GRIK4: variants seen among roughly 807,000 people sequenced by gnomAD.
The protein encoded by GRIK4 is glutamate receptor ionotropic, kainate 4.
GRIK4 carries 40 observed loss-of-function variants against 104.9 expected under a neutral mutation model. The ratio of observed to expected loss-of-function variants is 0.38; its 90% confidence interval spans 0.30 to 0.50. GRIK4 has a LOEUF of 0.50. GRIK4 is among the 20% of genes least tolerant of loss of function. The pLI, the probability that GRIK4 is intolerant of heterozygous loss-of-function variation, is 0.93. For synonymous variants in GRIK4, 485 were observed against 524.9 expected (o/e 0.92, Z 1.04); for missense variants, 1,047 against 1,308.1 (o/e 0.80, Z 3.08).
At chr11:120,566,968 ATTTTTTTTT>A (rs572433053) in intron 1 of GRIK4, among the ~76,000 whole-genome samples, 69 of 99,714 alleles carry the variant, frequency 6.9e-4, no homozygotes, top group African/African-American at 3.0e-3. Flanking sequence ...CGGCCTCCTA[ATTTTTTTTT>A]TTTTTTTTTT....
At chr11:120,985,278 A>G (rs994309489) in intron 20 of GRIK4, among the ~76,000 whole-genome samples, 5 of 152,198 alleles carry the variant, frequency 3.3e-5, no homozygotes, top group Non-Finnish European at 7.3e-5. Context: ...ATGTTGCTAC[A>G]GAAATATGAG....
At chr11:120,900,164 CAG>C (rs1263710688) in intron 12 of GRIK4, among the ~76,000 whole-genome samples, 17 of 152,260 alleles carry the variant, frequency 1.1e-4, no homozygotes, top group South Asian at 6.2e-4. Flanking sequence ...CTCTGAAAGA[CAG>C]GGAATGAGTG....
intron 13 of GRIK4, among the ~76,000 whole-genome samples, chr11:120,928,965 GT>G (rs1183386396): frequency 3.0e-4 from 3 of 10,124 alleles, no homozygotes; most frequent in African/African-American, 3.4e-4. Context: ...AAAGACGTGT[GT>G]GTGTGTGTGT....
At position 120,832,917 on chromosome 11, in the gene GRIK4, T is replaced by G. The variant is rs551756327; in HGVS notation, c.690+887T>G. On this transcript the variant is annotated intron_variant, in intron 7 of 20. Transcript: ENST00000527524. ...GAACGGGCCCCGTTTCCAGGCTCCT[T>G]GGCGGCTCCCCCAACCTCTCCAGGC... 1.5e-3 allele frequency among the ~76,000 whole-genome samples: 236 copies of G among 152,284 alleles called. 1 individual carries two copies. Among genetic ancestry groups the G allele is most frequent in the African/African-American group, 5.6e-3 (232 of 41,560 alleles).
intron 1 of GRIK4, among the ~76,000 whole-genome samples, chr11:120,553,880 G>C (rs1948163136): frequency 6.6e-6 from 1 of 152,222 alleles, no homozygotes; most frequent in Non-Finnish European, 1.5e-5. Flanking sequence ...GAGGGGGACA[G>C]AGGAGGACTG....
chr11:120,579,733 G>A (rs1431465609), intron 1 of GRIK4, among the ~76,000 whole-genome samples: 1 of 152,114 alleles, frequency 6.6e-6, no homozygotes, highest in Non-Finnish European at 1.5e-5. Flanking sequence ...GTCCCGATCT[G>A]TACAGTTTCA....
intron 9 of GRIK4, 86 bp from the exon 10 acceptor site, chr11:120,873,980 C>T: frequency 1.7e-6 from 2 of 1,210,432 alleles, no homozygotes; most frequent in Non-Finnish European, 2.3e-6. Context: ...TTTTCTTCCT[C>T]CATTCCTCTT....
intron 11 of GRIK4, among the ~76,000 whole-genome samples, chr11:120,883,917 T>C (rs531959758): frequency 6.6e-6 from 1 of 152,316 alleles, no homozygotes; most frequent in African/African-American, 2.4e-5. Flanking sequence ...GACCTGCTAA[T>C]TCGGTCTCAG....
intron 3 of GRIK4, among the ~76,000 whole-genome samples, chr11:120,663,681 G>A (rs1163515796): frequency 1.3e-5 from 2 of 152,062 alleles, no homozygotes; most frequent in African/African-American, 4.8e-5. Context: ...CACTCCCTGT[G>A]AGCCAAATAT....
At chr11:120,745,563 C>T (rs1328832937) in intron 3 of GRIK4, among the ~76,000 whole-genome samples, 2 of 152,086 alleles carry the variant, frequency 1.3e-5, no homozygotes, top group Non-Finnish European at 2.9e-5. Flanking sequence ...TTTGCAGGAG[C>T]ATTTCTGGAG....
chr11:120,537,272 G>C (rs1195146930), intron 1 of GRIK4, among the ~76,000 whole-genome samples: 1 of 152,120 alleles, frequency 6.6e-6, no homozygotes, highest in Non-Finnish European at 1.5e-5. Context: ...CTCTTGACCT[G>C]GTCCACAGGT....
At chr11:120,808,427 G>A (rs547203646) in intron 4 of GRIK4, among the ~76,000 whole-genome samples, 1 of 152,328 alleles carries the variant, frequency 6.6e-6, no homozygotes, top group Admixed American at 6.5e-5. Flanking sequence ...TGGCACATGT[G>A]CCTGGCACTT....
At chr11:120,593,892 C>T (rs998010214) in intron 1 of GRIK4, among the ~76,000 whole-genome samples, 5 of 152,182 alleles carry the variant, frequency 3.3e-5, no homozygotes, top group Non-Finnish European at 7.3e-5. Flanking sequence ...CGTTCTCTCA[C>T]TCTCCACATC....
rs2135163893 is a variant in GRIK4, at chr11:120,620,771, A to G, written c.-158-32914A>G. Among the ~76,000 whole-genome samples, 4 of 152,140 alleles carry G rather than the reference A, an allele frequency of 2.6e-5. No homozygotes were observed. The Middle Eastern group carries it at 0.014, about 517-fold the overall frequency. On this transcript the variant is annotated intron_variant, in intron 1 of 20. Coordinates refer to ENST00000527524, the MANE Select transcript of GRIK4 (RefSeq NM_014619.5). The stretch of plus-strand genomic sequence containing the variant: ...TATTACTAGTACTGCTACCACCCCC[A>G]CTGTCACTATTATTTCCCCACTGAC...
intron 3 of GRIK4, among the ~76,000 whole-genome samples, chr11:120,801,655 C>T (rs1952623965): frequency 6.6e-6 from 1 of 152,110 alleles, no homozygotes; most frequent in African/African-American, 2.4e-5. Flanking sequence ...AATCTATGGA[C>T]ATTTGGGTTT....
At chr11:120,813,064 C>T (rs1477069317) in intron 4 of GRIK4, among the ~76,000 whole-genome samples, 4 of 152,152 alleles carry the variant, frequency 2.6e-5, no homozygotes, top group South Asian at 2.1e-4. Flanking sequence ...GTCATGGTGA[C>T]CTTGGAGAAA....
intron 3 of GRIK4, among the ~76,000 whole-genome samples, chr11:120,703,176 C>A (rs1418157652): frequency 6.6e-6 from 1 of 152,124 alleles, no homozygotes; most frequent in Non-Finnish European, 1.5e-5. Flanking sequence ...TTTTAAATTG[C>A]ATTTGACTTA....
chr11:120,889,589 A>ATTTTTTTTTTTTT (rs369264259), intron 11 of GRIK4, among the ~76,000 whole-genome samples: 7 of 62,496 alleles, frequency 1.1e-4, no homozygotes, highest in Admixed American at 3.0e-4. Flanking sequence ...AAGAGCTTAC[A>ATTTTTTTTTTTTT]TTTTTTTTTT....
At chr11:120,595,066 G>A in intron 1 of GRIK4, among the ~76,000 whole-genome samples, 1 of 152,210 alleles carries the variant, frequency 6.6e-6, no homozygotes, top group East Asian at 1.9e-4. Context: ...TCTTCAAAGG[G>A]ATAATGAATG....
Sources: gnomAD v4.1 joint callset for allele counts (sites outside exome capture counted in the v4.1 genomes callset) on GRCh38, gnomAD v4.1.1 for gene constraint, MANE v1.5 for transcripts, NCBI Gene and HGNC (gene_info 2026-07-23, HGNC 2026-07-21) for gene names.